PDLIM2: variants seen among roughly 807,000 people sequenced by gnomAD.
PDLIM2 encodes the protein PDZ and LIM domain 2, also known as PDZ and LIM domain protein 2.
PDLIM2 carries 51 observed loss-of-function variants against 54.1 expected under a neutral mutation model. The observed-to-expected ratio is 0.94, with a 90% CI of 0.75 to 1.19. The LOEUF is 1.19. Among genes scored for constraint, PDLIM2 ranks in the 50% most tolerant of loss-of-function variants. PDLIM2 has a pLI of 0.00. For synonymous variants in PDLIM2, 398 were observed against 385.6 expected (o/e 1.03, Z -0.38); for missense variants, 912 against 874.0 (o/e 1.04, Z -0.55).
chr8:22,589,932 A>C, intron 8 of PDLIM2, 191 bp downstream of exon 7: 1 of 584,210 alleles, frequency 1.7e-6, no homozygotes, highest in Non-Finnish European at 2.9e-6. Flanking sequence ...AGGGTCCGGG[A>C]GGGTCACCAG....
exon 5 of PDLIM2, chr8:22,585,093 G>A: frequency 6.2e-7 from 1 of 1,613,924 alleles, no homozygotes; most frequent in Non-Finnish European, 8.5e-7. Context: ...CTCAGCCCGA[G>A]GGCCGGCAGC....
At chr8:22,578,887 T>C (rs2117331057) in exon 1 of PDLIM2, 2 of 1,238,258 alleles carry the variant, frequency 1.6e-6, no homozygotes, top group Non-Finnish European at 2.0e-6. Context: ...TCTGCTGTGC[T>C]CCGGGCAGTC....
chr8:22,595,233 C>T (rs1414998046), downstream of PDLIM2: 1 of 152,514 alleles, frequency 6.6e-6, no homozygotes, highest in East Asian at 1.9e-4. Context: ...TCCTCAGGCA[C>T]CTGTAGATAT....
chr8:22,591,716 G>A lies in PDLIM2; in HGVS notation c.1631+48G>A, dbSNP rs781137655. 5.2e-6 allele frequency: 8 copies of A among 1,529,540 alleles called. No individual in the cohort carries two copies. In the African/African-American group the frequency reaches 5.5e-5, roughly 10 times the overall value. The allele number at this position is 1,529,540 out of a possible 1,614,324, so 94.7% of individuals were successfully genotyped here. A position where few individuals can be genotyped will look rare whatever the true frequency, so the allele number is the denominator to read the frequency against. On this transcript the variant is annotated intron_variant, in intron 9 of 9. Coordinates refer to ENST00000308354, the Ensembl canonical transcript of PDLIM2. ...GACCTGAGCCTTCACAGGGGAGTGG[G>A]GAGGGGGACAGGGCACTGGATGCTT...
At chr8:22,582,894 G>A (rs1425434376) in intron 3 of PDLIM2, among the ~76,000 whole-genome samples, 1 of 144,684 alleles carries the variant, frequency 6.9e-6, no homozygotes, top group Non-Finnish European at 1.5e-5. Flanking sequence ...CCTTACTTTT[G>A]CTGACGTGAT....
intron 2 of PDLIM2, 163 bp downstream of exon 1, chr8:22,580,860 G>A: frequency 1.2e-6 from 1 of 820,498 alleles, no homozygotes; most frequent in Non-Finnish European, 2.1e-6. Flanking sequence ...TTGCCACGGG[G>A]ATGTGGTGGC....
exon 5 of PDLIM2, chr8:22,585,150 C>T (rs752066949): frequency 1.9e-6 from 3 of 1,613,258 alleles, no homozygotes; most frequent in Non-Finnish European, 1.7e-6. Flanking sequence ...GGAGAGGCAG[C>T]CATCAGCCGC....
At chr8:22,579,394 C>T (rs1800125629) in exon 1 of PDLIM2, 1 of 1,506,598 alleles carries the variant, frequency 6.6e-7, no homozygotes, top group Non-Finnish European at 8.8e-7. Flanking sequence ...CCGGAGCGCT[C>T]CTCCTCCAGC....
exon 1 of PDLIM2, chr8:22,578,802 C>G: frequency 2.4e-6 from 3 of 1,234,318 alleles, no homozygotes; most frequent in Non-Finnish European, 2.0e-6. Context: ...AGAGCGCGGC[C>G]GGCGTGGGAG....
rs368846956 is a variant in PDLIM2 at position 22,591,684 on chromosome 8, G to C, written c.1631+16G>C. On this transcript the variant is annotated intron_variant, in intron 9 of 9. Coordinates refer to ENST00000308354, the Ensembl canonical transcript of PDLIM2. The stretch of plus-strand genomic sequence containing the variant: ...CCAGCATCGCGTGAGTGTGGAGGGG[G>C]GTGGGGGACCTGAGCCTTCACAGGG... The C allele has an allele frequency of 1.3e-6, 2 of 1,597,792 alleles. No individual in the cohort carries two copies. Among genetic ancestry groups the C allele is most frequent in the African/African-American group, 1.3e-5 (1 of 74,714 alleles).
At chr8:22,591,208 C>G (rs575182216) in intron 8 of PDLIM2, 1 of 312,254 alleles carries the variant, frequency 3.2e-6, no homozygotes, top group African/African-American at 2.2e-5. Context: ...AAAGCCACAC[C>G]GAGGCATTGC....
At chr8:22,580,414 G>T (rs369225567) in intron 1 of PDLIM2, 61 bp from the exon 1 acceptor site, 8 of 1,350,818 alleles carry the variant, frequency 5.9e-6, no homozygotes, top group Admixed American at 2.7e-5. Context: ...TTCCCAGGGT[G>T]GGGGGAAGTG....
In PDLIM2 at chr8:22,593,914, C is replaced by T. The variant is rs371959544; in HGVS notation, c.*4C>T. The T allele has an allele frequency of 1.9e-4, 296 of 1,548,134 alleles. 2 individuals carry two copies. The Middle Eastern group carries it at 7.3e-3, about 38-fold the overall frequency. On this transcript the variant is annotated 3_prime_UTR_variant, in exon 10 of 10. Coordinates refer to ENST00000308354, the Ensembl canonical transcript of PDLIM2. ...CACCCTCAGCTCTCGGGCCTGAGCC[C>T]GCCATGCCCTCAGCCTGCCTCACTG...
chr8:22,592,144 C>T (rs1800572271), intron 9 of PDLIM2: 1 of 129,434 alleles, frequency 7.7e-6, no homozygotes, highest in Non-Finnish European at 1.5e-5. Context: ...TGCAGTGGTG[C>T]AATTTCAGCT....
At chr8:22,579,760 C>T (rs1344438208) in intron 1 of PDLIM2, 2 of 442,282 alleles carry the variant, frequency 4.5e-6, no homozygotes, top group South Asian at 5.3e-5. Context: ...TGGATTGGCT[C>T]CTGGCTCCAG....
At chr8:22,588,584 G>C (rs1800442826) in intron 6 of PDLIM2, 1 of 152,438 alleles carries the variant, frequency 6.6e-6, no homozygotes, top group Admixed American at 6.5e-5. Flanking sequence ...AGGAACAACT[G>C]TGAGGTTGAA....
At chr8:22,584,618 C>T (rs770580154) in intron 3 of PDLIM2, among the ~76,000 whole-genome samples, 17 of 152,228 alleles carry the variant, frequency 1.1e-4, no homozygotes, top group Non-Finnish European at 1.9e-4. Flanking sequence ...GCCAACTGTC[C>T]TTTCTTTTAA....
Position 22,584,393 on chromosome 8 carries a change from C to G in PDLIM2, c.996-428C>G, listed in dbSNP as rs542787497. Among the ~76,000 whole-genome samples, 3 of 152,144 alleles carry G rather than the reference C, an allele frequency of 2.0e-5. No homozygotes were observed. In the South Asian group the frequency reaches 6.2e-4, roughly 32 times the overall value. On this transcript the variant is annotated intron_variant, in intron 3 of 9. Coordinates refer to ENST00000308354, the Ensembl canonical transcript of PDLIM2. ...GCACAATCACGGCTCACTACAACCT[C>G]CATCTCCTGGGCTCAAGCGATCCTC...
chr8:22,592,077 C>CTTTTCTTTTCTTTTCTTTT (rs143613807), intron 9 of PDLIM2: 19 of 95,196 alleles, frequency 2.0e-4, no homozygotes, highest in African/African-American at 9.2e-4. Flanking sequence ...TCTTTCTTTT[C>CTTTTCTTTTCTTTTCTTTT]TTTTTTTTTT....
Sources: gnomAD v4.1 joint callset for allele counts (sites outside exome capture counted in the v4.1 genomes callset) on GRCh38, gnomAD v4.1.1 for gene constraint, MANE v1.5 for transcripts, NCBI Gene and HGNC (gene_info 2026-07-23, HGNC 2026-07-21) for gene names.